Variants in CERS6 observed in about 807,000 individuals in gnomAD.
The protein encoded by CERS6 is LAG1 homolog, ceramide synthase 6.
Under a neutral mutation model 56.8 loss-of-function variants are expected in CERS6, and 26 were observed. The ratio of observed to expected loss-of-function variants is 0.46; its 90% CI spans 0.34 to 0.63. CERS6 has a LOEUF of 0.63. Ranked by LOEUF, CERS6 falls within the 30% of genes least tolerant of loss-of-function variation. CERS6 has a pLI of 0.01. For missense variants in CERS6, 415 were observed against 467.5 expected, an observed-to-expected ratio of 0.89 and a Z score of 1.04; for synonymous variants, 164 against 173.3, an observed-to-expected ratio of 0.95 and a Z score of 0.42.
chr2:168,757,521 G>A (rs762066817), intron 8 of CERS6, among the ~76,000 whole-genome samples: 7 of 152,040 alleles, frequency 4.6e-5, no homozygotes, highest in Admixed American at 3.9e-4. Flanking sequence ...GAACTATAAC[G>A]TGCACTGCTA....
chr2:168,746,466 C>T (rs932685598), intron 8 of CERS6, among the ~76,000 whole-genome samples: 20 of 151,936 alleles, frequency 1.3e-4, no homozygotes, highest in Middle Eastern at 3.2e-3. Context: ...TCTGCCATCA[C>T]GTTCCGAGTG....
chr2:168,690,876 T>G (rs1686482037), intron 4 of CERS6, among the ~76,000 whole-genome samples, 158 bp from the exon 5 acceptor site: 1 of 152,224 alleles, frequency 6.6e-6, no homozygotes, highest in African/African-American at 2.4e-5. Flanking sequence ...TACTAGTTGC[T>G]TTAATATCCT....
chr2:168,696,920 A>G (rs1349334188), intron 6 of CERS6, among the ~76,000 whole-genome samples: 1 of 152,238 alleles, frequency 6.6e-6, no homozygotes, highest in Non-Finnish European at 1.5e-5. Flanking sequence ...CGTGGGAATC[A>G]GTAAGTTGAG....
At chr2:168,487,528 A>G (rs1187634974) in intron 1 of CERS6, among the ~76,000 whole-genome samples, 1 of 152,180 alleles carries the variant, frequency 6.6e-6, no homozygotes, top group African/African-American at 2.4e-5. Flanking sequence ...ATTTAATGCT[A>G]TTGCTAATCT....
chr2:168,733,053 A>C (rs1290803147), intron 8 of CERS6, among the ~76,000 whole-genome samples: 1 of 152,160 alleles, frequency 6.6e-6, no homozygotes, highest in Non-Finnish European at 1.5e-5. Flanking sequence ...CCATGAGTTC[A>C]TGGGGCTTCT....
chr2:168,703,862 A>G (rs1406752560), intron 6 of CERS6, among the ~76,000 whole-genome samples: 3 of 152,070 alleles, frequency 2.0e-5, no homozygotes, highest in South Asian at 2.1e-4. Context: ...GATATTCCCA[A>G]TCTTAGGCCT....
chr2:168,504,710 T>A (rs927114015), intron 1 of CERS6, among the ~76,000 whole-genome samples: 3 of 152,128 alleles, frequency 2.0e-5, no homozygotes, highest in African/African-American at 7.2e-5. Flanking sequence ...GAGACCTCCA[T>A]CCCTTTCCAT....
chr2:168,709,971 A>G (rs1687049647), intron 6 of CERS6, among the ~76,000 whole-genome samples: 1 of 152,336 alleles, frequency 6.6e-6, no homozygotes, highest in East Asian at 1.9e-4. Flanking sequence ...TGAAGCAGAA[A>G]TGTAAAAGGT....
chr2:168,674,085 T>C (rs1456475188), intron 4 of CERS6, among the ~76,000 whole-genome samples: 2 of 152,180 alleles, frequency 1.3e-5, no homozygotes, highest in Non-Finnish European at 2.9e-5. Context: ...TAACCAGGCA[T>C]AATGACAAGA....
Position 168,695,033 on chromosome 2 carries a change from C to T in CERS6, c.591C>T (p.Phe197=). The T allele has an allele frequency of 6.2e-7, 1 of 1,612,668 alleles. No homozygotes were observed. Among genetic ancestry groups the T allele is most frequent in the East Asian group, 2.2e-5 (1 of 44,862 alleles). The part of the protein sequence containing the change: ...SFYWSLMFSQ[F]TDIKRKDFGI... ...ATTGGTCTTTGATGTTTTCTCAGTTCACTGATATCAAAAGAAAGGTAAGAG... is the reference window on the plus strand; with the variant it reads ...ATTGGTCTTTGATGTTTTCTCAGTTTACTGATATCAAAAGAAAGGTAAGAG... The change falls in exon 6 of 10, where the codon TTC becomes TTT. Residue 197 remains phenylalanine (F), a synonymous_variant. Coordinates refer to ENST00000305747, the MANE Select transcript of CERS6 (RefSeq NM_203463.3).
intron 4 of CERS6, among the ~76,000 whole-genome samples, chr2:168,684,065 C>T (rs1686285347): frequency 6.6e-6 from 1 of 152,164 alleles, no homozygotes; most frequent in South Asian, 2.1e-4. Context: ...CTGAAAGTTA[C>T]TTACTAAATT....
chr2:168,708,570 C>G (rs990741242), intron 6 of CERS6, among the ~76,000 whole-genome samples: 1 of 152,104 alleles, frequency 6.6e-6, no homozygotes, highest in Non-Finnish European at 1.5e-5. Context: ...GTCTGAAAAT[C>G]AGTTCATTGA....
At chr2:168,610,790 C>T (rs969541004) in intron 3 of CERS6, among the ~76,000 whole-genome samples, 2 of 151,976 alleles carry the variant, frequency 1.3e-5, no homozygotes, top group African/African-American at 4.8e-5. Context: ...CACGATTTGG[C>T]CTGTGTGATT....
chr2:168,613,184 G>C (rs962766362), intron 3 of CERS6, among the ~76,000 whole-genome samples: 7 of 152,186 alleles, frequency 4.6e-5, no homozygotes, highest in Admixed American at 6.5e-5. Flanking sequence ...AGAAACAGTG[G>C]ATTCCTGGGA....
chr2:168,633,853 T>G (rs1684804163), intron 4 of CERS6, among the ~76,000 whole-genome samples: 1 of 152,218 alleles, frequency 6.6e-6, no homozygotes, highest in Admixed American at 6.5e-5. Context: ...TGTGTTCAGA[T>G]TCTTCCAAAA....
rs560875040 is a variant in CERS6 at position 168,735,098 on chromosome 2, C to T, written c.845+17120C>T. 2.0e-5 allele frequency among the ~76,000 whole-genome samples: 3 copies of T among 152,298 alleles called. No homozygotes were observed. The East Asian group carries it at 5.8e-4, about 29-fold the overall frequency. On this transcript the variant is annotated intron_variant, in intron 8 of 9. Transcript: ENST00000305747. ...ATTATTCTCAAGTGGACCAGTTCTT[C>T]ACTGAGTATGTGTTCTTTAGGTTTG...
At chr2:168,714,396 C>T (rs998605803) in intron 6 of CERS6, among the ~76,000 whole-genome samples, 1 of 152,188 alleles carries the variant, frequency 6.6e-6, no homozygotes, top group African/African-American at 2.4e-5. Flanking sequence ...TGACCTTAAC[C>T]TACTGTCCCT....
At chr2:168,695,244 C>T (rs1686616337) in intron 6 of CERS6, among the ~76,000 whole-genome samples, 193 bp downstream of exon 6, 1 of 152,108 alleles carries the variant, frequency 6.6e-6, no homozygotes, top group East Asian at 1.9e-4. Flanking sequence ...TGTTTCTTCG[C>T]TCATCCCCTA....
intron 3 of CERS6, among the ~76,000 whole-genome samples, chr2:168,585,512 A>G (rs1004409366): frequency 1.3e-5 from 2 of 152,212 alleles, no homozygotes; most frequent in Non-Finnish European, 2.9e-5. Flanking sequence ...TGGCCAAGCC[A>G]ATTCTGCCTC....
Sources: allele counts gnomAD v4.1 joint callset (sites outside exome capture counted in the v4.1 genomes callset), GRCh38; gene constraint gnomAD v4.1.1; transcripts MANE v1.5; gene names NCBI Gene and HGNC (gene_info 2026-07-23, HGNC 2026-07-21).